Variants in PKHD1 observed in about 807,000 individuals in gnomAD.
PKHD1 encodes fibrocystin.
PKHD1 carries 291 observed loss-of-function variants against 412.0 expected under a neutral mutation model. The ratio of observed to expected loss-of-function variants is 0.71; its 90% CI spans 0.64 to 0.78. PKHD1 has a LOEUF of 0.78. Among genes scored for constraint, PKHD1 ranks in the 30% least tolerant of loss-of-function variants. PKHD1 has a pLI of 0.00. For synonymous variants in PKHD1, 1,777 were observed against 1,821.5 expected, an observed-to-expected ratio of 0.98 and a Z score of 0.62; for missense variants, 4,825 against 4,950.7, an observed-to-expected ratio of 0.97 and a Z score of 0.76.
In PKHD1 at chr6:52,053,119, C is replaced by G. The variant is rs1468446097; in HGVS notation, c.2097G>C (p.Leu699=). Residue 699 remains leucine (L), a synonymous_variant, in exon 21 of 67, where the codon CTG becomes CTC. Coordinates refer to ENST00000371117, the MANE Select transcript of PKHD1 (RefSeq NM_138694.4). The part of the protein sequence containing the change: ...NLLPLAQETG[L]FYVDEIIIAD... Reference sequence around the variant, plus strand: ...CAATAATAATTTCATCCACATAGAACAGGCCCGTCTCCTGGGCCAGAGGGA... The same window carrying G: ...CAATAATAATTTCATCCACATAGAAGAGGCCCGTCTCCTGGGCCAGAGGGA... 1 of 1,614,192 alleles carries G rather than the reference C, an allele frequency of 6.2e-7. No individual in the cohort carries two copies. Among genetic ancestry groups the G allele is most frequent in the South Asian group, 1.1e-5 (1 of 91,080 alleles).
At chr6:51,769,531 G>A (rs1789696031) in intron 55 of PKHD1, among the ~76,000 whole-genome samples, 2 of 150,936 alleles carry the variant, frequency 1.3e-5, no homozygotes, top group Admixed American at 6.6e-5. Context: ...GGGTTTTCTT[G>A]GTATGATTAA....
intron 35 of PKHD1, among the ~76,000 whole-genome samples, chr6:51,970,644 G>A (rs1019473001): frequency 3.9e-5 from 6 of 152,188 alleles, no homozygotes; most frequent in African/African-American, 1.4e-4. Context: ...TAAAGATAGA[G>A]GTCCAGTTTC....
Position 51,659,326 on chromosome 6 carries a change from C to T in PKHD1, c.10800G>A (p.Glu3600=), listed in dbSNP as rs930311595. Residue 3600 remains glutamate, a synonymous_variant, in exon 61 of 67, where the codon GAG becomes GAA. Coordinates refer to ENST00000371117, the MANE Select transcript of PKHD1 (RefSeq NM_138694.4). ...IGQNQIRFIH[E]MPGHEETLKA... ...TTAAGGTCTCTTCATGGCCAGGCAT[C>T]TCGTGAATAAACCTGATTTGGTTTT... 1 of 1,613,724 alleles carries T rather than the reference C, an allele frequency of 6.2e-7. No homozygotes were observed. The highest frequency in any genetic ancestry group is 1.3e-5 in the African/African-American group (1 of 74,876).
At chr6:51,741,210 T>C (rs958221259) in intron 60 of PKHD1, 1 of 518,680 alleles carries the variant, frequency 1.9e-6, no homozygotes, top group Non-Finnish European at 3.8e-6. Context: ...TGAACACTCT[T>C]ATGATTAAAC....
chr6:52,082,478 C>G lies in PKHD1; in HGVS notation c.195G>C (p.Val65=). ...GSQLEIHLVN[V]NMVVPALRSV... Reference sequence around the variant, plus strand: ...TCCGCAGTGCGGGCACCACCATGTTCACGTTCACCAGGTGTATCTCCAATT... The same window carrying G: ...TCCGCAGTGCGGGCACCACCATGTTGACGTTCACCAGGTGTATCTCCAATT... Residue 65 remains valine, a synonymous_variant, in exon 4 of 67, where the codon GTG becomes GTC. Transcript: ENST00000371117. 6.2e-7 allele frequency: 1 copy of G among 1,613,972 alleles called. No homozygotes were observed. The highest frequency in any genetic ancestry group is 8.5e-7 in the Non-Finnish European group (1 of 1,179,846).
chr6:51,635,876 C>T (rs923484858), intron 64 of PKHD1, among the ~76,000 whole-genome samples: 14 of 41,524 alleles, frequency 3.4e-4, no homozygotes, highest in South Asian at 7.4e-4. Flanking sequence ...GGCGGGGGGC[C>T]GGGGGCGGAT....
intron 60 of PKHD1, among the ~76,000 whole-genome samples, chr6:51,683,404 A>G (rs958620602): frequency 6.6e-6 from 1 of 152,090 alleles, no homozygotes; most frequent in Non-Finnish European, 1.5e-5. Context: ...TAGTGGCTGG[A>G]ACTATAAGAA....
Position 51,707,920 on chromosome 6 carries a change from G to A in PKHD1, c.10156+36465C>T, listed in dbSNP as rs532197663. On this transcript the variant is annotated intron_variant, in intron 60 of 66. Transcript: ENST00000371117. ...CCTTCTCAATATGCTTTGTGAGATC[G>A]TCCTTGTCTAGTCATTCCTTCAACA... Among the ~76,000 whole-genome samples, 20 of 152,048 alleles carry A rather than the reference G, an allele frequency of 1.3e-4. No individual in the cohort carries two copies. In the East Asian group the frequency reaches 3.3e-3, roughly 25 times the overall value.
chr6:51,988,177 T>C (rs1050810644), intron 35 of PKHD1, among the ~76,000 whole-genome samples: 8 of 152,344 alleles, frequency 5.3e-5, no homozygotes, highest in South Asian at 2.1e-4. Flanking sequence ...TCAACTTTCC[T>C]TGGTGATGAA....
intron 43 of PKHD1, among the ~76,000 whole-genome samples, chr6:51,898,195 A>G (rs1453603361): frequency 2.0e-5 from 3 of 152,118 alleles, no homozygotes; most frequent in African/African-American, 7.2e-5. Flanking sequence ...CTCCACCTCA[A>G]ATCAACAGAA....
chr6:51,792,809 C>G (rs1326563), intron 52 of PKHD1, among the ~76,000 whole-genome samples: 1 of 152,038 alleles, frequency 6.6e-6, no homozygotes, highest in South Asian at 2.1e-4. Context: ...CTCACTGGCT[C>G]CACCACTCTC....
At chr6:51,845,432 C>G (rs913012053) in intron 50 of PKHD1, among the ~76,000 whole-genome samples, 1 of 152,166 alleles carries the variant, frequency 6.6e-6, no homozygotes, top group African/African-American at 2.4e-5. Flanking sequence ...GCACCAATGA[C>G]CATAAAAGAT....
intron 57 of PKHD1, among the ~76,000 whole-genome samples, chr6:51,749,804 C>T (rs1207027300): frequency 2.0e-5 from 3 of 152,146 alleles, no homozygotes; most frequent in Non-Finnish European, 4.4e-5. Context: ...ACAAAAGTAG[C>T]ATCTCTGCAT....
chr6:51,869,746 C>T (rs1280404548), intron 47 of PKHD1, among the ~76,000 whole-genome samples: 1 of 151,556 alleles, frequency 6.6e-6, no homozygotes, highest in South Asian at 2.1e-4. Context: ...AACTCAGATG[C>T]CACCCAAATA....
chr6:52,085,191 T>A (rs1247200209), intron 1 of PKHD1, among the ~76,000 whole-genome samples, 174 bp from the exon 2 acceptor site: 3 of 152,180 alleles, frequency 2.0e-5, no homozygotes, highest in Non-Finnish European at 2.9e-5. Context: ...GAACCTTGCA[T>A]AAAATCATCC....
intron 29 of PKHD1, among the ~76,000 whole-genome samples, chr6:52,030,309 T>G (rs558600359): frequency 3.7e-4 from 56 of 152,340 alleles, no homozygotes; most frequent in African/African-American, 1.3e-3. Context: ...GGATTTTTCA[T>G]CAATAACATG....
chr6:52,009,050 C>T (rs1799464847), intron 35 of PKHD1, among the ~76,000 whole-genome samples: 1 of 152,202 alleles, frequency 6.6e-6, no homozygotes, highest in Non-Finnish European at 1.5e-5. Context: ...TGAAATGTCA[C>T]TGACAGCTGA....
intron 35 of PKHD1, among the ~76,000 whole-genome samples, chr6:51,973,892 T>C (rs1794009631): frequency 6.6e-6 from 1 of 152,216 alleles, no homozygotes; most frequent in African/African-American, 2.4e-5. Context: ...AATGAAAGCT[T>C]AGCTATTGGT....
chr6:51,853,006 AT>A, intron 49 of PKHD1, among the ~76,000 whole-genome samples: 2 of 152,106 alleles, frequency 1.3e-5, no homozygotes, highest in East Asian at 3.9e-4. Context: ...TTGTAGTGTC[AT>A]TGGTCTTTAT....
Sources: gnomAD v4.1 joint callset for allele counts (sites outside exome capture counted in the v4.1 genomes callset) on GRCh38, gnomAD v4.1.1 for gene constraint, MANE v1.5 for transcripts, NCBI Gene and HGNC (gene_info 2026-07-23, HGNC 2026-07-21) for gene names.